The following TLR3 variants were observed in gnomAD, a reference collection of about 807,000 sequenced individuals.
TLR3 encodes toll like receptor 3.
TLR3 carries 43 observed loss-of-function variants against 66.4 expected under a neutral mutation model. The observed-to-expected ratio is 0.65, with a 90% confidence interval of 0.51 to 0.83. TLR3 has a LOEUF of 0.83. Among genes scored for constraint, TLR3 ranks in the 40% least tolerant of loss-of-function variants. The pLI is 0.00. For synonymous variants in TLR3, 397 were observed against 397.2 expected (o/e 1.00, Z 0.01); for missense variants, 982 against 1,044.6 (o/e 0.94, Z 0.83).
At position 186,078,822 on chromosome 4, in the gene TLR3, A is replaced by G. The variant is rs1242493189; in HGVS notation, c.442-18A>G. 6.2e-7 allele frequency: 1 copy of G among 1,608,950 alleles called. No individual in the cohort carries two copies. The highest frequency in any genetic ancestry group is 1.1e-5 in the South Asian group (1 of 90,748). ...GACAGCAAGACTCTAACATATGCAT[A>G]TTATTTTTTCCCTTCAGAATTTAAT... is the stretch of plus-strand genomic sequence containing the variant. On this transcript the variant is annotated intron_variant, in intron 2 of 4. Transcript: ENST00000296795.
At position 186,087,742 on chromosome 4, in the gene TLR3, A is replaced by G. The variant is rs1457480703; in HGVS notation, c.*2869A>G. The G allele has an allele frequency of 2.0e-5, 3 of 152,182 alleles. No homozygotes were observed. The highest frequency in any genetic ancestry group is 7.2e-5 in the African/African-American group (3 of 41,448). The allele number at this position is 152,182 out of a possible 1,614,324, so 9.4% of individuals were successfully genotyped here. A position where few individuals can be genotyped will look rare whatever the true frequency, so the allele number is the denominator to read the frequency against. On this transcript the variant is annotated 3_prime_UTR_variant, in exon 5 of 5. Coordinates refer to ENST00000296795, the MANE Select transcript of TLR3 (RefSeq NM_003265.3). Reference sequence around the variant, plus strand: ...TGTTCAAATATACATCTAGGTTGTAAAGGAGACTCAACGGTAAGTTATAGT... The same window carrying G: ...TGTTCAAATATACATCTAGGTTGTAGAGGAGACTCAACGGTAAGTTATAGT...
intron 3 of TLR3, among the ~76,000 whole-genome samples, chr4:186,080,984 TAAAC>T (rs1307536609): frequency 1.3e-5 from 2 of 152,246 alleles, no homozygotes; most frequent in East Asian, 3.9e-4. Context: ...TGCTTTATCA[TAAAC>T]AAATGAGTTA....
chr4:186,081,411 G>C (rs6838080), intron 3 of TLR3, among the ~76,000 whole-genome samples: 37,959 of 152,044 alleles, frequency 0.25, 4,976 homozygotes, highest in East Asian at 0.34. Context: ...TCCCAGAACA[G>C]CCAAGGCTCT....
chr4:186,082,991 A>T lies in TLR3; in HGVS notation c.1305A>T (p.Val435=). 4 of 1,614,216 alleles carry T rather than the reference A, an allele frequency of 2.5e-6. No homozygotes were observed. The highest frequency in any genetic ancestry group is 3.4e-6 in the Non-Finnish European group (4 of 1,180,044). The change falls in exon 4 of 5, where the codon GTA becomes GTT. Residue 435 remains valine, a synonymous_variant. Transcript: ENST00000296795. ...DAFSWLGHLE[V]LDLGLNEIGQ... is the part of the protein sequence containing the mutation. The stretch of plus-strand genomic sequence containing the variant: ...TCTCTTGGTTGGGCCACCTAGAAGT[A>T]CTTGACCTGGGCCTTAATGAAATTG...
At chr4:186,080,540 T>A (rs980853254) in intron 3 of TLR3, among the ~76,000 whole-genome samples, 4 of 151,846 alleles carry the variant, frequency 2.6e-5, no homozygotes, top group Admixed American at 2.6e-4. Flanking sequence ...GATAAATTTT[T>A]AAAAATATTT....
At chr4:186,077,194 A>G in intron 2 of TLR3, 134 bp downstream of exon 2, 1 of 925,266 alleles carries the variant, frequency 1.1e-6, no homozygotes, top group Non-Finnish European at 1.6e-6. Flanking sequence ...TTGCCATTAT[A>G]ATAGAAAATG....
Position 186,083,147 on chromosome 4 carries a change from C to T in TLR3, c.1461C>T (p.Leu487=), listed in dbSNP as rs767185774. 2.0e-5 allele frequency: 32 copies of T among 1,614,056 alleles called. No homozygotes were observed. In the Admixed American group the frequency reaches 4.7e-4, roughly 24 times the overall value. The change falls in exon 4 of 5, where the codon CTC becomes CTT. Residue 487 remains leucine, a synonymous_variant. Transcript: ENST00000296795. This position sits in a 1 kb window ranked among gnomAD's most constrained non-coding sequence, Gnocchi z 4.0. ...TCCCAAGCCTTCAACGACTGATGCT[C>T]CGAAGGGTGGCCCTTAAAAATGTGG... The part of the protein sequence containing the change: ...ALVPSLQRLM[L]RRVALKNVDS...
chr4:186,076,515 C>T, intron 1 of TLR3, 98 bp from the exon 2 acceptor site: 5 of 1,121,872 alleles, frequency 4.5e-6, no homozygotes, highest in Non-Finnish European at 6.7e-6. Flanking sequence ...CATACATGGT[C>T]ATATTTTGGT....
At chr4:186,079,438 A>C (rs888990105) in intron 3 of TLR3, among the ~76,000 whole-genome samples, 137 of 152,084 alleles carry the variant, frequency 9.0e-4, no homozygotes, top group African/African-American at 3.2e-3. Context: ...GTCTTTTAAC[A>C]ATCATGTTAT....
chr4:186,078,698 A>ATT, intron 2 of TLR3, 142 bp from the exon 3 acceptor site: 1 of 687,348 alleles, frequency 1.5e-6, no homozygotes, highest in African/African-American at 1.8e-5. Context: ...AAGATTTTTT[A>ATT]TTATGCTTAC....
intron 1 of TLR3, among the ~76,000 whole-genome samples, chr4:186,072,550 A>C (rs2099301673): frequency 6.6e-6 from 1 of 152,226 alleles, no homozygotes; most frequent in Non-Finnish European, 1.5e-5. Flanking sequence ...ACCTCAGGTG[A>C]TCTGCCCACC....
At chr4:186,075,958 A>G (rs946093544) in intron 1 of TLR3, among the ~76,000 whole-genome samples, 2 of 152,228 alleles carry the variant, frequency 1.3e-5, no homozygotes, top group Non-Finnish European at 2.9e-5. Context: ...GATCGAGACC[A>G]TCCTGGCCAA....
intron 1 of TLR3, among the ~76,000 whole-genome samples, 176 bp downstream of exon 1, chr4:186,069,424 C>G (rs1219754945): frequency 3.3e-5 from 5 of 152,098 alleles, no homozygotes; most frequent in African/African-American, 4.8e-5. Context: ...ATGATATGGG[C>G]ATGGGAGAAG....
intron 1 of TLR3, among the ~76,000 whole-genome samples, chr4:186,071,862 A>T (rs776408239): frequency 6.6e-6 from 1 of 152,126 alleles, no homozygotes; most frequent in Non-Finnish European, 1.5e-5. Flanking sequence ...TGACTTTTAG[A>T]TCTTGTGGAA....
rs578044232 is a variant in TLR3 at position 186,077,699 on chromosome 4, T to C, written c.441+639T>C. 3.3e-5 allele frequency among the ~76,000 whole-genome samples: 5 copies of C among 152,276 alleles called. No individual in the cohort carries two copies. In the South Asian group the frequency reaches 8.3e-4, roughly 25 times the overall value. On this transcript the variant is annotated intron_variant, in intron 2 of 4. Coordinates refer to ENST00000296795, the MANE Select transcript of TLR3 (RefSeq NM_003265.3). ...ATAATGTGTAATGATTAAATCAGGG[T>C]AATTATCATATCCATCATCTCAAAT...
intron 1 of TLR3, among the ~76,000 whole-genome samples, chr4:186,075,756 C>A (rs2099302338): frequency 6.6e-6 from 1 of 152,154 alleles, no homozygotes; most frequent in Admixed American, 6.5e-5. Context: ...AAAATGCTAA[C>A]ATTTCACATC....
At position 186,077,815 on chromosome 4, in the gene TLR3, A is replaced by G. The variant is rs1013602613; in HGVS notation, c.441+755A>G. 1.8e-4 allele frequency among the ~76,000 whole-genome samples: 23 copies of G among 127,294 alleles called. No individual in the cohort carries two copies. In the Admixed American group the frequency reaches 1.9e-3, roughly 10 times the overall value. 83.5% of individuals were successfully genotyped at this position (127,294 alleles called of 152,430 possible). A position where few individuals can be genotyped will look rare whatever the true frequency, so the allele number is the denominator to read the frequency against. ...TCGTAGTTAACCATATTCACCCTAC[A>G]ATGCTTTAGAGCACCAGAAAAAAAA... On this transcript the variant is annotated intron_variant, in intron 2 of 4. Coordinates refer to ENST00000296795, the MANE Select transcript of TLR3 (RefSeq NM_003265.3).
In TLR3 at chr4:186,084,964, T is replaced by A; in HGVS notation, c.*91T>A. 9.9e-7 allele frequency: 1 copy of A among 1,006,566 alleles called. No homozygotes were observed. Among genetic ancestry groups the A allele is most frequent in the Non-Finnish European group, 1.5e-6 (1 of 664,198 alleles). 62.4% of individuals were successfully genotyped at this position (1,006,566 alleles called of 1,614,324 possible). On this transcript the variant is annotated 3_prime_UTR_variant, in exon 5 of 5. Transcript: ENST00000296795. ...TAAGTTTTCCATAAAGGTGTTATAA[T>A]TTGTTTATTCATATTTGTAAATGAT...
intron 1 of TLR3, among the ~76,000 whole-genome samples, chr4:186,073,245 C>A (rs1007311722): frequency 5.9e-5 from 9 of 152,140 alleles, no homozygotes; most frequent in African/African-American, 2.2e-4. Flanking sequence ...CTGGACCAGG[C>A]GTGGTGGCTC....
Sources: allele counts gnomAD v4.1 joint callset (sites outside exome capture counted in the v4.1 genomes callset), GRCh38; gene constraint gnomAD v4.1.1; non-coding constraint Gnocchi (gnomAD v3.1); transcripts MANE v1.5; gene names NCBI Gene and HGNC (gene_info 2026-07-23, HGNC 2026-07-21).